Variants in SHLD2 observed in about 807,000 individuals in gnomAD.
SHLD2 encodes RINN1-REV7-interacting novel NHEJ regulator 2.
SHLD2 carries 30 observed loss-of-function variants against 73.2 expected under a neutral mutation model. The observed-to-expected ratio is 0.41, with a 90% CI of 0.31 to 0.56. SHLD2 has a LOEUF of 0.56. Among genes scored for constraint, SHLD2 ranks in the 20% least tolerant of loss-of-function variants. The pLI is 0.28. For synonymous variants in SHLD2, 285 were observed against 370.1 expected (o/e 0.77, Z 2.64); for missense variants, 745 against 1,055.9 (o/e 0.71, Z 4.08).
At chr10:87,178,234 T>C (rs1489102564) in intron 7 of SHLD2, among the ~76,000 whole-genome samples, 1 of 26,680 alleles carries the variant, frequency 3.7e-5, no homozygotes, top group African/African-American at 1.6e-4. Flanking sequence ...ATACTCTGTC[T>C]CAAAAAAAAA....
chr10:87,119,252 T>G, intron 2 of SHLD2, among the ~76,000 whole-genome samples: 1 of 151,972 alleles, frequency 6.6e-6, no homozygotes, highest in Non-Finnish European at 1.5e-5. Context: ...AAAACCTGCC[T>G]GGGCAAACAT....
chr10:87,135,252 T>C (rs1422385429), intron 2 of SHLD2, among the ~76,000 whole-genome samples: 1 of 152,114 alleles, frequency 6.6e-6, no homozygotes, highest in Non-Finnish European at 1.5e-5. Context: ...AAGTCCATAC[T>C]TTATTTACCT....
intron 2 of SHLD2, among the ~76,000 whole-genome samples, chr10:87,102,179 G>T (rs1842310171): frequency 6.6e-6 from 1 of 152,078 alleles, no homozygotes; most frequent in Non-Finnish European, 1.5e-5. Context: ...AACTCTTGTG[G>T]TTATAACAAT....
At chr10:87,146,420 T>G (rs537688586) in intron 2 of SHLD2, among the ~76,000 whole-genome samples, 2 of 152,006 alleles carry the variant, frequency 1.3e-5, no homozygotes, top group Non-Finnish European at 2.9e-5. Context: ...CAGCCTCTGG[T>G]GTAGCTGGGA....
At chr10:87,150,421 A>G (rs1845931129) in intron 2 of SHLD2, among the ~76,000 whole-genome samples, 1 of 151,976 alleles carries the variant, frequency 6.6e-6, no homozygotes, top group Non-Finnish European at 1.5e-5. Context: ...CTCTTTTCCC[A>G]TTCTTTACTA....
chr10:87,119,439 G>C (rs986129260), intron 2 of SHLD2, among the ~76,000 whole-genome samples: 15 of 151,714 alleles, frequency 9.9e-5, no homozygotes, highest in Admixed American at 4.6e-4. Context: ...TTCCAAAGTG[G>C]TTTTCTCCAT....
intron 2 of SHLD2, among the ~76,000 whole-genome samples, chr10:87,105,984 G>T (rs1281684048): frequency 6.6e-6 from 1 of 152,150 alleles, no homozygotes; most frequent in Non-Finnish European, 1.5e-5. Context: ...AAGAAAGGTA[G>T]AAAAGGAATA....
At chr10:87,178,696 G>A (rs1390929625) in intron 7 of SHLD2, among the ~76,000 whole-genome samples, 1 of 152,010 alleles carries the variant, frequency 6.6e-6, no homozygotes, top group Admixed American at 6.5e-5. Context: ...TAGCCTGGAC[G>A]ACAGAGTGAG....
Position 87,158,123 on chromosome 10 carries a change from T to G in SHLD2, c.1601T>G (p.Leu534Arg), listed in dbSNP as rs1375951469. Residue 534 changes from leucine (L) to arginine (R), a missense_variant, in exon 4 of 10, where the codon CTT (leucine) becomes CGT (arginine). This residue lies in a region of SHLD2 where 418 missense variants were observed against 567.8 expected (regional missense o/e 0.74). Coordinates refer to ENST00000298786, the MANE Select transcript of SHLD2 (RefSeq NM_001330112.2). The stretch of plus-strand genomic sequence containing the variant: ...ACATTTAGCAGTCAGTTATTAAATC[T>G]TGGGAGTTATTCATCTATTCAGCCT... ...QSTFSSQLLN[L>R]GSYSSIQPEE... The G allele has an allele frequency of 1.2e-6, 2 of 1,611,292 alleles. No homozygotes were observed. Among genetic ancestry groups the G allele is most frequent in the Non-Finnish European group, 1.7e-6 (2 of 1,179,550 alleles).
chr10:87,141,661 A>T (rs1845203737), intron 2 of SHLD2, among the ~76,000 whole-genome samples: 1 of 152,162 alleles, frequency 6.6e-6, no homozygotes, highest in African/African-American at 2.4e-5. Context: ...GTTCTTTCAC[A>T]AGTGAGAAAT....
In SHLD2 at chr10:87,119,859, A is replaced by G. The variant is rs370852288; in HGVS notation, c.-6+22870A>G. The stretch of plus-strand genomic sequence containing the variant: ...ACTACTGGATGCCTGTTTGGTTTTC[A>G]TAGCAATCAACTTTTGGAGTTTATG... On this transcript the variant is annotated intron_variant, in intron 2 of 9. Transcript: ENST00000298786. Among the ~76,000 whole-genome samples the G allele has an allele frequency of 3.3e-5, 5 of 152,014 alleles. No individual in the cohort carries two copies. In the East Asian group the frequency reaches 9.6e-4, roughly 29 times the overall value.
intron 6 of SHLD2, 109 bp downstream of exon 6, chr10:87,171,083 A>AT: frequency 1.6e-6 from 1 of 631,356 alleles, no homozygotes; most frequent in African/African-American, 1.8e-5. Context: ...TTGAAATACA[A>AT]GTGATCATGA....
chr10:87,166,007 T>C (rs1847172525), intron 4 of SHLD2, among the ~76,000 whole-genome samples: 1 of 152,114 alleles, frequency 6.6e-6, no homozygotes, highest in African/African-American at 2.4e-5. Flanking sequence ...AGGAATAGAA[T>C]AAAATTTTCC....
rs1268436126 is a variant in SHLD2 at position 87,190,648 on chromosome 10, G to A, written c.2680G>A (p.Asp894Asn). The A allele has an allele frequency of 6.2e-7, 1 of 1,611,952 alleles. No homozygotes were observed. The highest frequency in any genetic ancestry group is 1.7e-5 in the Admixed American group (1 of 60,006). The change falls in exon 10 of 10, where the codon GAC (aspartate) becomes AAC (asparagine). Residue 894 changes from aspartate to asparagine, a missense_variant. Around this residue, in one of 5 missense-constraint regions of SHLD2, gnomAD observed 418 missense variants for 567.8 expected, o/e 0.74. Transcript: ENST00000298786. ...QDFSLLDFYP[D>N]IVKHGANARL ...TTTCTCCCTCCTGGATTTTTATCCT[G>A]ACATTGTAAAGCATGGAGCCAATGC... is the stretch of plus-strand genomic sequence containing the variant.
intron 2 of SHLD2, among the ~76,000 whole-genome samples, chr10:87,130,266 C>G (rs1844333439): frequency 7.2e-6 from 1 of 139,362 alleles, no homozygotes; most frequent in South Asian, 2.2e-4. Flanking sequence ...CTTCTGATTA[C>G]TTTTCCCTTT....
intron 7 of SHLD2, 80 bp from the exon 8 acceptor site, chr10:87,179,995 C>G: frequency 1.1e-6 from 1 of 935,248 alleles, no homozygotes; most frequent in Non-Finnish European, 1.8e-6. Context: ...TGTAAATCAA[C>G]TATAAAATTA....
chr10:87,142,761 C>CT (rs1184154361), intron 2 of SHLD2, among the ~76,000 whole-genome samples: 16 of 142,358 alleles, frequency 1.1e-4, no homozygotes, highest in South Asian at 4.4e-4. Context: ...AAAGTTCTTT[C>CT]TTTTTTTTTT....
In SHLD2 at chr10:87,109,464, AT is replaced by A. The variant is rs564145876; in HGVS notation, c.-6+12481del. ...TAGGCGCTTCTACCACACCCAGCTAATTTTTTGTGTTTTTGGTAGAGACAGT... is the reference window on the plus strand; with the variant it reads ...TAGGCGCTTCTACCACACCCAGCTAATTTTTGTGTTTTTGGTAGAGACAGT... On this transcript the variant is annotated intron_variant, in intron 2 of 9. Coordinates refer to ENST00000298786, the MANE Select transcript of SHLD2 (RefSeq NM_001330112.2). Among the ~76,000 whole-genome samples, 3 of 151,828 alleles carry A rather than the reference AT, an allele frequency of 2.0e-5. No homozygotes were observed. The South Asian group carries it at 6.3e-4, about 32-fold the overall frequency.
intron 8 of SHLD2, among the ~76,000 whole-genome samples, chr10:87,185,023 C>T (rs1173361349): frequency 1.3e-5 from 2 of 152,178 alleles, no homozygotes; most frequent in Admixed American, 6.5e-5. Flanking sequence ...CCAGTTAGGA[C>T]ATTTTCGTCA....
Sources: allele counts gnomAD v4.1 joint callset (sites outside exome capture counted in the v4.1 genomes callset), GRCh38; gene constraint gnomAD v4.1.1; regional missense constraint gnomAD v4.1.1; transcripts MANE v1.5; gene names NCBI Gene and HGNC (gene_info 2026-07-23, HGNC 2026-07-21).